Variants in GRAMD1B observed in about 807,000 individuals in gnomAD.
GRAMD1B encodes GRAM domain containing 1B, also known as protein Aster-B.
A neutral mutation model predicts 99.7 loss-of-function variants in GRAMD1B; 37 were observed. That is an observed-to-expected ratio of 0.37 (90% CI 0.29 to 0.49). The LOEUF (loss-of-function observed/expected upper bound fraction) is 0.49. Among genes scored for constraint, GRAMD1B ranks in the 20% least tolerant of loss-of-function variants. The probability of loss-of-function intolerance (pLI) is 0.98; values close to 1 mark genes in which losing one functional copy is unlikely to be tolerated. For missense variants in GRAMD1B, 888 were observed against 1,009.2 expected (o/e 0.88, Z 1.63); for synonymous variants, 427 against 387.6 (o/e 1.10, Z -1.19).
chr11:123,592,596 G>C (rs1027773203), intron 4 of GRAMD1B, among the ~76,000 whole-genome samples: 1 of 152,180 alleles, frequency 6.6e-6, no homozygotes. Context: ...TCAGTGTGTG[G>C]ACTCTGTTCT....
chr11:123,395,493 T>G (rs1947428029), intron 1 of GRAMD1B, among the ~76,000 whole-genome samples: 1 of 152,136 alleles, frequency 6.6e-6, no homozygotes, highest in African/African-American at 2.4e-5. Flanking sequence ...AAGTGAACGT[T>G]TGCATGGTTT....
At chr11:123,531,583 A>G (rs540602704) in intron 2 of GRAMD1B, among the ~76,000 whole-genome samples, 3 of 152,150 alleles carry the variant, frequency 2.0e-5, no homozygotes, top group African/African-American at 7.2e-5. Context: ...CAAGTTTATT[A>G]TTGCTGGAAG....
intron 2 of GRAMD1B, among the ~76,000 whole-genome samples, chr11:123,489,762 T>C (rs1396387875): frequency 1.1e-4 from 16 of 152,198 alleles, no homozygotes; most frequent in Non-Finnish European, 4.4e-5. Context: ...ATTCTTGTTT[T>C]AATATGGAGA....
At chr11:123,431,677 G>A (rs1948898563) in intron 1 of GRAMD1B, among the ~76,000 whole-genome samples, 1 of 152,196 alleles carries the variant, frequency 6.6e-6, no homozygotes, top group Non-Finnish European at 1.5e-5. Context: ...ACACCGGATT[G>A]CCTTAACTGG....
At chr11:123,474,618 T>G (rs1195745322) in intron 1 of GRAMD1B, among the ~76,000 whole-genome samples, 1 of 152,200 alleles carries the variant, frequency 6.6e-6, no homozygotes, top group East Asian at 1.9e-4. Context: ...AGGACCTCAA[T>G]CCAGAAAAAC....
chr11:123,577,430 C>A lies in GRAMD1B; in HGVS notation c.516C>A (p.Arg172=), dbSNP rs775950697. ...CGCCCATCCTCCGGAAGCGGTCTCGCTCGCCAACCCCGCAGAACCAGGACG... is the reference window on the plus strand; with the variant it reads ...CGCCCATCCTCCGGAAGCGGTCTCGATCGCCAACCCCGCAGAACCAGGACG... ...ACSPILRKRS[R]SPTPQNQDGD... The change falls in exon 3 of 20, where the codon CGC becomes CGA. Residue 172 remains arginine (R), a synonymous_variant. Coordinates refer to ENST00000635736, the MANE Select transcript of GRAMD1B (RefSeq NM_001387025.1). The A allele has an allele frequency of 3.2e-5, 52 of 1,601,544 alleles. No homozygotes were observed. Among genetic ancestry groups the A allele is most frequent in the Non-Finnish European group, 4.0e-5 (47 of 1,174,542 alleles).
intron 2 of GRAMD1B, among the ~76,000 whole-genome samples, chr11:123,540,417 T>C (rs996995905): frequency 2.0e-5 from 3 of 152,202 alleles, no homozygotes; most frequent in East Asian, 1.9e-4. Flanking sequence ...CTCAGTGTAC[T>C]TTCTACAAGG....
At chr11:123,597,487 T>C (rs1389369565) in intron 7 of GRAMD1B, among the ~76,000 whole-genome samples, 1 of 152,058 alleles carries the variant, frequency 6.6e-6, no homozygotes, top group East Asian at 1.9e-4. Context: ...CTTTCCCTAG[T>C]ATTTGCATCA....
intron 1 of GRAMD1B, among the ~76,000 whole-genome samples, chr11:123,436,402 A>G (rs560963361): frequency 7.6e-4 from 115 of 152,312 alleles, no homozygotes; most frequent in Non-Finnish European, 1.9e-4. Context: ...TGGATGACCA[A>G]ATGTGATCTT....
In GRAMD1B at chr11:123,591,572, CTG is replaced by C. The variant is rs1313980024; in HGVS notation, c.685-2507_685-2506del. 2.5e-6 allele frequency: 1 copy of C among 398,460 alleles called. No homozygotes were observed. The highest frequency in any genetic ancestry group is 2.1e-5 in the African/African-American group (1 of 48,538). 24.7% of individuals were successfully genotyped at this position (398,460 alleles called of 1,614,324 possible). A position where few individuals can be genotyped will look rare whatever the true frequency, so the allele number is the denominator to read the frequency against. On this transcript the variant is annotated intron_variant, in intron 4 of 19. Transcript: ENST00000635736. This position sits in a 1 kb window ranked among gnomAD's most constrained non-coding sequence, Gnocchi z 4.7. ...TGTGTGACTCAGTTTCTCTGAGTCT[CTG>C]TGGTAGTTCTGCACCCTTGTTATGC...
At chr11:123,468,429 G>C (rs1950814504) in intron 1 of GRAMD1B, among the ~76,000 whole-genome samples, 1 of 152,122 alleles carries the variant, frequency 6.6e-6, no homozygotes. Flanking sequence ...ATAATTTATA[G>C]TATGGTAGAA....
chr11:123,621,340 A>G (rs1819638530), intron 19 of GRAMD1B, among the ~76,000 whole-genome samples: 1 of 152,226 alleles, frequency 6.6e-6, no homozygotes, highest in Admixed American at 6.5e-5. Context: ...TTCTCCTGCC[A>G]GGTTCCATTC....
chr11:123,489,726 G>A (rs563379855), intron 2 of GRAMD1B, among the ~76,000 whole-genome samples: 1 of 152,318 alleles, frequency 6.6e-6, no homozygotes, highest in African/African-American at 2.4e-5. Flanking sequence ...GATACCTAGA[G>A]GAGAAAGCAG....
chr11:123,581,645 G>A (rs1156888561), intron 3 of GRAMD1B, among the ~76,000 whole-genome samples: 1 of 152,216 alleles, frequency 6.6e-6, no homozygotes, highest in Non-Finnish European at 1.5e-5. Flanking sequence ...GAGATTGCTG[G>A]TTCAGGGCAG....
chr11:123,541,939 A>G (rs1383166533), intron 2 of GRAMD1B, among the ~76,000 whole-genome samples: 13 of 152,348 alleles, frequency 8.5e-5, no homozygotes, highest in Admixed American at 8.5e-4. Flanking sequence ...CAATCATGGA[A>G]TTAGAGGGGA....
At chr11:123,367,620 G>A (rs895634103) in intron 1 of GRAMD1B, among the ~76,000 whole-genome samples, 19 of 152,136 alleles carry the variant, frequency 1.2e-4, no homozygotes, top group Admixed American at 7.9e-4. Flanking sequence ...TGAGGCCGGC[G>A]TGATGAGTTG....
At chr11:123,612,670 CG>C in intron 14 of GRAMD1B, 90 bp from the exon 15 acceptor site, 1 of 739,588 alleles carries the variant, frequency 1.4e-6, no homozygotes, top group Non-Finnish European at 2.5e-6. Context: ...AAATGTGAAG[CG>C]GATCTGGCCT....
intron 2 of GRAMD1B, among the ~76,000 whole-genome samples, chr11:123,508,385 A>G (rs1436727773): frequency 6.6e-6 from 1 of 152,164 alleles, no homozygotes; most frequent in Non-Finnish European, 1.5e-5. Context: ...CTCATGACCT[A>G]ATTACCTGTT....
chr11:123,463,990 T>C (rs972635594), intron 1 of GRAMD1B, among the ~76,000 whole-genome samples: 8 of 152,110 alleles, frequency 5.3e-5, no homozygotes, highest in African/African-American at 1.9e-4. Context: ...GACTGTAACT[T>C]GGGAAGAGAC....
Sources: gnomAD v4.1 joint callset for allele counts (sites outside exome capture counted in the v4.1 genomes callset) on GRCh38, gnomAD v4.1.1 for gene constraint, Gnocchi (gnomAD v3.1) non-coding constraint, MANE v1.5 for transcripts, NCBI Gene and HGNC (gene_info 2026-07-23, HGNC 2026-07-21) for gene names.